The following HPN variants were observed in gnomAD, a reference collection of about 807,000 sequenced individuals.
HPN encodes the protein serine protease hepsin.
HPN carries 13 observed loss-of-function variants against 55.9 expected under a neutral mutation model. That is an observed-to-expected ratio of 0.23 (90% CI 0.15 to 0.37). The LOEUF is 0.37. Among genes scored for constraint, HPN ranks in the 10% least tolerant of loss-of-function variants. The pLI is 1.00. For missense variants in HPN, 451 were observed against 575.8 expected, an observed-to-expected ratio of 0.78 and a Z score of 2.22; for synonymous variants, 225 against 240.3, an observed-to-expected ratio of 0.94 and a Z score of 0.59.
intron 2 of HPN, among the ~76,000 whole-genome samples, chr19:35,043,929 G>T (rs1022061533): frequency 1.3e-5 from 2 of 152,240 alleles, no homozygotes; most frequent in African/African-American, 4.8e-5. Context: ...CTCCCTGGCA[G>T]CTCCGGGCTG....
intron 2 of HPN, among the ~76,000 whole-genome samples, chr19:35,043,238 A>G (rs575388343): frequency 1.3e-5 from 2 of 152,134 alleles, no homozygotes; most frequent in Non-Finnish European, 2.9e-5. Flanking sequence ...CACCATAAGG[A>G]TGAGAGAGAG....
chr19:35,048,028 A>AAAAAGAAAGAG (rs1555722915), intron 2 of HPN, among the ~76,000 whole-genome samples: 1 of 87,396 alleles, frequency 1.1e-5, no homozygotes. Flanking sequence ...GAGAGAGAGA[A>AAAAAGAAAGAG]AAAGAAAGAA....
chr19:35,041,728 C>T lies in HPN; in HGVS notation c.-199C>T. The T allele has an allele frequency of 8.7e-7, 1 of 1,153,792 alleles. No individual in the cohort carries two copies. The highest frequency in any genetic ancestry group is 1.1e-6 in the Non-Finnish European group (1 of 924,662). 71.5% of individuals were successfully genotyped at this position (1,153,792 alleles called of 1,614,324 possible). On this transcript the variant is annotated 5_prime_UTR_variant, in exon 1 of 13. Coordinates refer to ENST00000672452, the MANE Select transcript of HPN (RefSeq NM_001384133.1). Reference sequence around the variant, plus strand: ...CCAGCCCCCTCCTCCTCAGGTGAGGCAGCCTGGCCTAGCAGGCCCCACGCC... The same window carrying T: ...CCAGCCCCCTCCTCCTCAGGTGAGGTAGCCTGGCCTAGCAGGCCCCACGCC...
intron 2 of HPN, among the ~76,000 whole-genome samples, chr19:35,048,068 G>GA (rs1555722942): frequency 3.2e-5 from 2 of 62,048 alleles, no homozygotes; most frequent in South Asian, 8.1e-4. Context: ...AAGAAAGAAA[G>GA]AAAGAAAGAA....
intron 2 of HPN, among the ~76,000 whole-genome samples, chr19:35,046,173 G>A (rs1477397419): frequency 2.6e-5 from 4 of 152,192 alleles, no homozygotes; most frequent in Non-Finnish European, 5.9e-5. Context: ...TAGTTGGGCT[G>A]GTCTGGCCCA....
At chr19:35,042,132 G>T in intron 1 of HPN, 1 of 1,125,408 alleles carries the variant, frequency 8.9e-7, no homozygotes, top group South Asian at 2.0e-5. Context: ...GGGAGTCCTG[G>T]CCCCCAAATT....
chr19:35,064,174 C>T (rs1307232058), intron 9 of HPN, among the ~76,000 whole-genome samples: 1 of 146,166 alleles, frequency 6.8e-6, no homozygotes, highest in African/African-American at 2.5e-5. Context: ...CAGCAGGCAA[C>T]AGGCAGGGCT....
intron 4 of HPN, among the ~76,000 whole-genome samples, chr19:35,052,361 G>C (rs1404482129): frequency 2.0e-5 from 3 of 151,922 alleles, no homozygotes. Flanking sequence ...AACCTCATCT[G>C]TACTAAAAAC....
chr19:35,053,080 C>A (rs2064420801), intron 4 of HPN, among the ~76,000 whole-genome samples: 1 of 152,172 alleles, frequency 6.6e-6, no homozygotes, highest in Non-Finnish European at 1.5e-5. Context: ...AACAACTTGG[C>A]AGGCACACCA....
chr19:35,059,647 C>A lies in HPN; in HGVS notation c.161-26C>A, dbSNP rs377242540. The A allele has an allele frequency of 3.2e-5, 50 of 1,575,340 alleles. No homozygotes were observed. The South Asian group carries it at 5.3e-4, about 17-fold the overall frequency. ...GGGGAGCCTGGCTGTGGGACCCAGG[C>A]GGCCCCGGGCCCTGTCGCCCTGCAG... On this transcript the variant is annotated intron_variant, in intron 4 of 12. Coordinates refer to ENST00000672452, the MANE Select transcript of HPN (RefSeq NM_001384133.1).
At position 35,059,705 on chromosome 19, in the gene HPN, G is replaced by C. The variant is rs199634123; in HGVS notation, c.193G>C (p.Val65Leu). 1.9e-4 allele frequency: 307 copies of C among 1,600,910 alleles called. 4 individuals carry two copies. In the East Asian group the frequency reaches 4.5e-3, roughly 23 times the overall value. Residue 65 changes from valine to leucine, a missense_variant, in exon 5 of 13, where the codon GTC becomes CTC. Physicochemically the swap from Val to Leu is conservative, Grantham distance 32. Around this residue, in one of 2 missense-constraint regions of HPN, gnomAD observed 378 missense variants for 445.5 expected, o/e 0.85. Transcript: ENST00000672452. ...QVSSADARLM[V>L]FDKTEGTWRL... Reference sequence around the variant, plus strand: ...CAGCTCTGCGGACGCTCGGCTCATGGTCTTTGACAAGACGGAAGGGACGTG... The same window carrying C: ...CAGCTCTGCGGACGCTCGGCTCATGCTCTTTGACAAGACGGAAGGGACGTG...
chr19:35,059,231 G>C, intron 4 of HPN: 1 of 325,900 alleles, frequency 3.1e-6, no homozygotes, highest in South Asian at 2.4e-5. Context: ...GGAGGCAGAG[G>C]CAGGAAGATT....
chr19:35,046,491 T>C (rs10403911), intron 2 of HPN, among the ~76,000 whole-genome samples: 152,273 of 152,284 alleles, frequency 1, 76,131 homozygotes, highest in Middle Eastern at 1. Context: ...GTGATCCACC[T>C]GCCTCAGCCT....
chr19:35,046,750 A>G (rs575329776), intron 2 of HPN, among the ~76,000 whole-genome samples: 107 of 152,368 alleles, frequency 7.0e-4, no homozygotes, highest in African/African-American at 2.4e-3. Flanking sequence ...GCCCAGCTGA[A>G]GGCTTTCAGC....
intron 2 of HPN, among the ~76,000 whole-genome samples, chr19:35,046,531 C>T (rs1456044044): frequency 2.0e-5 from 3 of 152,226 alleles, no homozygotes; most frequent in African/African-American, 7.2e-5. Flanking sequence ...AGGCATGAGC[C>T]ACCATGCCCA....
At chr19:35,064,870 G>T (rs921165279) in intron 9 of HPN, among the ~76,000 whole-genome samples, 2 of 152,010 alleles carry the variant, frequency 1.3e-5, no homozygotes, top group African/African-American at 2.4e-5. Context: ...CGCCCAGGCT[G>T]GAGTGCAATG....
At chr19:35,046,390 G>A (rs111405427) in intron 2 of HPN, among the ~76,000 whole-genome samples, 2,190 of 152,080 alleles carry the variant, frequency 0.014, 28 homozygotes, top group Non-Finnish European at 0.024. Flanking sequence ...GACTATAGGC[G>A]CCCGCCACCA....
chr19:35,066,548 T>C lies in HPN; in HGVS notation c.*261T>C. 1.9e-6 allele frequency: 1 copy of C among 531,352 alleles called. No individual in the cohort carries two copies. The highest frequency in any genetic ancestry group is 3.0e-5 in the East Asian group (1 of 33,136). The allele number at this position is 531,352 out of a possible 1,614,324, so 32.9% of individuals were successfully genotyped here. On this transcript the variant is annotated 3_prime_UTR_variant, in exon 13 of 13. Transcript: ENST00000672452. ...GTGCCCCTGATGACGGGATGCTCTT[T>C]AAATAATAAAGATGGTTTTGATTAA...
chr19:35,057,206 C>T (rs2151762368), intron 4 of HPN, among the ~76,000 whole-genome samples: 1 of 152,274 alleles, frequency 6.6e-6, no homozygotes, highest in South Asian at 2.1e-4. Flanking sequence ...AGGCAGATCA[C>T]TTGAGGTCAG....
Sources: gnomAD v4.1 joint callset for allele counts (sites outside exome capture counted in the v4.1 genomes callset) on GRCh38, gnomAD v4.1.1 for gene constraint, gnomAD v4.1.1 regional missense constraint, MANE v1.5 for transcripts, NCBI Gene and HGNC (gene_info 2026-07-23, HGNC 2026-07-21) for gene names.